Variants in QKI observed in about 807,000 individuals in gnomAD.
QKI encodes the protein QKI, KH domain containing RNA binding.
Under a neutral mutation model 39.0 loss-of-function variants are expected in QKI, and 10 were observed. The ratio of observed to expected loss-of-function variants is 0.26; its 90% CI spans 0.16 to 0.43. The LOEUF is 0.43. Among genes scored for constraint, QKI ranks in the 20% least tolerant of loss-of-function variants. The pLI is 1.00. For synonymous variants in QKI, 204 were observed against 155.4 expected (o/e 1.31, Z -2.33); for missense variants, 218 against 428.0 (o/e 0.51, Z 4.33).
chr6:163,559,469 C>G (rs1022512760), intron 4 of QKI, among the ~76,000 whole-genome samples: 19 of 151,998 alleles, frequency 1.3e-4, no homozygotes, highest in African/African-American at 4.6e-4. Context: ...GGATTTGATT[C>G]TTCTTTTCCA....
At chr6:163,483,561 C>G (rs537690307) in intron 3 of QKI, among the ~76,000 whole-genome samples, 1 of 152,306 alleles carries the variant, frequency 6.6e-6, no homozygotes, top group African/African-American at 2.4e-5. Context: ...CAAGAAATCA[C>G]TTTCTCTGCT....
At chr6:163,566,316 A>G in intron 6 of QKI, 1 of 1,195,810 alleles carries the variant, frequency 8.4e-7, no homozygotes, top group Non-Finnish European at 1.0e-6. Context: ...TTTTTAAGTG[A>G]TAAACTCTTG....
At chr6:163,417,164 G>C (rs1234857102) in intron 1 of QKI, among the ~76,000 whole-genome samples, 4 of 151,970 alleles carry the variant, frequency 2.6e-5, no homozygotes, top group Non-Finnish European at 5.9e-5. Flanking sequence ...ACTTTATGAC[G>C]TTTCAAAATA....
chr6:163,542,288 A>G (rs1237527187), intron 4 of QKI, among the ~76,000 whole-genome samples: 2 of 152,048 alleles, frequency 1.3e-5, no homozygotes, highest in African/African-American at 4.8e-5. Flanking sequence ...AAAGTAATAC[A>G]TGATATTTCT....
chr6:163,441,414 G>A (rs540739844), intron 1 of QKI, among the ~76,000 whole-genome samples: 4 of 152,148 alleles, frequency 2.6e-5, no homozygotes, highest in African/African-American at 7.2e-5. Flanking sequence ...GGAGCTTTGC[G>A]TGTTTTTGTG....
At chr6:163,522,408 G>A (rs181511471) in intron 3 of QKI, among the ~76,000 whole-genome samples, 107 of 152,238 alleles carry the variant, frequency 7.0e-4, no homozygotes, top group Non-Finnish European at 4.4e-5. Flanking sequence ...GATTACAGGG[G>A]CACTGAAATA....
At chr6:163,532,900 C>T (rs1421397937) in intron 3 of QKI, among the ~76,000 whole-genome samples, 1 of 152,116 alleles carries the variant, frequency 6.6e-6, no homozygotes, top group African/African-American at 2.4e-5. Flanking sequence ...TATAGGCTCA[C>T]CTCAGTTGTT....
At chr6:163,461,859 A>G (rs964831807) in intron 2 of QKI, among the ~76,000 whole-genome samples, 2 of 152,210 alleles carry the variant, frequency 1.3e-5, no homozygotes, top group African/African-American at 4.8e-5. Flanking sequence ...GAAATGGGCT[A>G]TGAAGCAGTC....
chr6:163,547,014 C>A (rs1781922279), intron 4 of QKI, among the ~76,000 whole-genome samples: 1 of 151,914 alleles, frequency 6.6e-6, no homozygotes, highest in South Asian at 2.1e-4. Flanking sequence ...TGCCTTCAAA[C>A]TGACATGGCC....
intron 1 of QKI, among the ~76,000 whole-genome samples, chr6:163,440,007 TG>T (rs1196741877): frequency 6.6e-6 from 1 of 152,212 alleles, no homozygotes; most frequent in African/African-American, 2.4e-5. Flanking sequence ...AAAGCTTAAA[TG>T]AGAATGTCTT....
chr6:163,445,198 C>T (rs1295032454), intron 1 of QKI, among the ~76,000 whole-genome samples: 1 of 151,990 alleles, frequency 6.6e-6, no homozygotes. Context: ...CTCATATAAT[C>T]ATAGTATAGT....
At chr6:163,429,353 A>G (rs796749025) in intron 1 of QKI, among the ~76,000 whole-genome samples, 1 of 152,030 alleles carries the variant, frequency 6.6e-6, no homozygotes, top group African/African-American at 2.4e-5. Flanking sequence ...GTCCCCCCCC[A>G]CCAGTGTTTA....
At chr6:163,491,993 T>C (rs1007648524) in intron 3 of QKI, among the ~76,000 whole-genome samples, 5 of 152,210 alleles carry the variant, frequency 3.3e-5, no homozygotes, top group Non-Finnish European at 5.9e-5. Context: ...CTTTTAAAAT[T>C]AAGTCTTGAT....
chr6:163,416,468 A>G (rs1787514856), intron 1 of QKI: 1 of 153,640 alleles, frequency 6.5e-6, no homozygotes, highest in South Asian at 1.9e-4. Context: ...GACTGTGTAA[A>G]GGAAACTGAA....
rs547438791 is a variant in QKI, at chr6:163,514,242, A to G, written c.403-20740A>G. ...AAAACCTTAAAATACTTTTTAAGAA[A>G]TGTCTTAGAATAGGTGACACACTGT... On this transcript the variant is annotated intron_variant, in intron 3 of 7. Transcript: ENST00000361752. Among the ~76,000 whole-genome samples the G allele has an allele frequency of 1.3e-4, 20 of 152,268 alleles. No individual in the cohort carries two copies. In the South Asian group the frequency reaches 2.5e-3, roughly 19 times the overall value.
chr6:163,531,138 A>G (rs1310695057), intron 3 of QKI, among the ~76,000 whole-genome samples: 1 of 151,974 alleles, frequency 6.6e-6, no homozygotes, highest in Non-Finnish European at 1.5e-5. Context: ...TTCTATTTGT[A>G]TTCAAAATTT....
Position 163,530,144 on chromosome 6 carries a change from A to G in QKI, c.403-4838A>G, listed in dbSNP as rs189485278. ...ACAGACATTATAGTAGTCATGAGCTATTTTTTTCCACATCAGTATCTCAGC... is the reference window on the plus strand; with the variant it reads ...ACAGACATTATAGTAGTCATGAGCTGTTTTTTTCCACATCAGTATCTCAGC... On this transcript the variant is annotated intron_variant, in intron 3 of 7. Transcript: ENST00000361752. 3.3e-5 allele frequency among the ~76,000 whole-genome samples: 5 copies of G among 152,296 alleles called. No homozygotes were observed. In the East Asian group the frequency reaches 9.6e-4, roughly 29 times the overall value.
At chr6:163,570,159 A>C (rs1422902040) in intron 7 of QKI, 2 of 985,744 alleles carry the variant, frequency 2.0e-6, no homozygotes, top group Non-Finnish European at 2.4e-6. Context: ...TGTTTGGCCC[A>C]GAGTTTATGT....
chr6:163,451,350 T>C (rs1790544996), intron 1 of QKI, among the ~76,000 whole-genome samples: 1 of 152,198 alleles, frequency 6.6e-6, no homozygotes, highest in Admixed American at 6.5e-5. Flanking sequence ...GAATGTTGTG[T>C]ACAGTATAGG....
Sources: allele counts gnomAD v4.1 joint callset (sites outside exome capture counted in the v4.1 genomes callset), GRCh38; gene constraint gnomAD v4.1.1; transcripts MANE v1.5; gene names NCBI Gene and HGNC (gene_info 2026-07-23, HGNC 2026-07-21).